Variants in ODF2 observed in about 807,000 individuals in gnomAD.
The protein encoded by ODF2 is outer dense fiber protein 2.
Under a neutral mutation model 110.2 loss-of-function variants are expected in ODF2, and 47 were observed. The observed-to-expected ratio is 0.43, with a 90% CI of 0.34 to 0.54. ODF2 has a LOEUF of 0.54. ODF2 is among the 20% of genes least tolerant of loss of function. The pLI, the probability that ODF2 is intolerant of heterozygous loss-of-function variation, is 0.03. For synonymous variants in ODF2, 352 were observed against 397.7 expected, an observed-to-expected ratio of 0.89 and a Z score of 1.37; for missense variants, 812 against 1,054.5, an observed-to-expected ratio of 0.77 and a Z score of 3.19.
intron 16 of ODF2, among the ~76,000 whole-genome samples, chr9:128,493,815 G>A (rs1012306533): frequency 6.6e-6 from 1 of 152,018 alleles, no homozygotes; most frequent in African/African-American, 2.4e-5. Context: ...TTTTTTTTGA[G>A]ACAGAGTCTT....
chr9:128,457,536 GT>G, intron 2 of ODF2: 2 of 1,427,162 alleles, frequency 1.4e-6, no homozygotes, highest in South Asian at 1.4e-5. Context: ...TCCTCATTGT[GT>G]TTGCTGAAAG....
intron 14 of ODF2, among the ~76,000 whole-genome samples, chr9:128,489,799 T>C (rs967921311): frequency 6.6e-6 from 1 of 152,230 alleles, no homozygotes; most frequent in Non-Finnish European, 1.5e-5. Context: ...TGTCACTGAA[T>C]AGTAAAGTGT....
At chr9:128,491,975 C>T (rs1217541521) in intron 14 of ODF2, among the ~76,000 whole-genome samples, 1 of 151,136 alleles carries the variant, frequency 6.6e-6, no homozygotes, top group Non-Finnish European at 1.5e-5. Flanking sequence ...ATGCCATCCT[C>T]CTGCCTCAGC....
intron 15 of ODF2, 54 bp downstream of exon 15, chr9:128,492,590 CA>C: frequency 1.3e-6 from 2 of 1,503,252 alleles, no homozygotes; most frequent in Non-Finnish European, 1.8e-6. Flanking sequence ...CTGCCCCCAT[CA>C]GACTGGGGGC....
chr9:128,485,966 G>C lies in ODF2; in HGVS notation c.1400+492G>C, dbSNP rs1843284027. Among the ~76,000 whole-genome samples the C allele has an allele frequency of 6.6e-6, 1 of 152,154 alleles. No homozygotes were observed. The highest frequency in any genetic ancestry group is 1.5e-5 in the Non-Finnish European group (1 of 68,030). ...GTGGCCTCAATTTGCAAGTGACTGA[G>C]CTGACACCTTTCTTGCCACTGGCGA... On this transcript the variant is annotated intron_variant, in intron 13 of 20. Coordinates refer to ENST00000604420, the Ensembl canonical transcript of ODF2. The surrounding 1 kb of genome is among the most constrained non-coding windows in gnomAD (Gnocchi z 5.0).
chr9:128,499,055 A>G, exon 20 of ODF2: 1 of 1,614,204 alleles, frequency 6.2e-7, no homozygotes, highest in Non-Finnish European at 8.5e-7. Flanking sequence ...CCAGAACAAA[A>G]TCCTGGACCT....
chr9:128,466,644 C>CATATATAT (rs10591401), intron 4 of ODF2, among the ~76,000 whole-genome samples: 12 of 142,726 alleles, frequency 8.4e-5, no homozygotes, highest in Admixed American at 3.6e-4. Context: ...CACACTTTCC[C>CATATATAT]ATATATATAT....
chr9:128,456,889 T>C, intron 1 of ODF2: 1 of 1,289,716 alleles, frequency 7.8e-7, no homozygotes, highest in African/African-American at 1.5e-5. Flanking sequence ...ACACTATTGG[T>C]CCTCTCGGGC....
At chr9:128,472,166 G>T (rs1380587753) in intron 6 of ODF2, among the ~76,000 whole-genome samples, 1 of 151,968 alleles carries the variant, frequency 6.6e-6, no homozygotes, top group Non-Finnish European at 1.5e-5. Flanking sequence ...TATAATCCTA[G>T]CTACTCTGGA....
At chr9:128,491,005 C>T (rs1235974910) in intron 14 of ODF2, among the ~76,000 whole-genome samples, 1 of 151,530 alleles carries the variant, frequency 6.6e-6, no homozygotes, top group Non-Finnish European at 1.5e-5. Flanking sequence ...AAGTTCACAA[C>T]ATAATTTTTT....
upstream of ODF2, among the ~76,000 whole-genome samples, chr9:128,455,611 A>G (rs912701851): frequency 6.7e-6 from 1 of 149,040 alleles, no homozygotes. Flanking sequence ...AAGGTAGTGA[A>G]CAGAACAGCA....
chr9:128,465,758 G>C (rs1837691718), intron 4 of ODF2, among the ~76,000 whole-genome samples: 1 of 150,004 alleles, frequency 6.7e-6, no homozygotes, highest in African/African-American at 2.5e-5. Context: ...AAAAAAAAGT[G>C]ATCTATTTTT....
chr9:128,482,030 T>C (rs964077649), intron 9 of ODF2, among the ~76,000 whole-genome samples: 3 of 152,226 alleles, frequency 2.0e-5, no homozygotes, highest in Non-Finnish European at 4.4e-5. Flanking sequence ...CAAAGCAGCA[T>C]GTTCCAAAGT....
exon 14 of ODF2, chr9:128,487,949 G>C (rs1453778232): frequency 6.2e-7 from 1 of 1,614,078 alleles, no homozygotes; most frequent in Admixed American, 1.7e-5. Context: ...CGGGAAGACC[G>C]GGATAGCCTG....
upstream of ODF2, among the ~76,000 whole-genome samples, chr9:128,455,847 G>T (rs546506987): frequency 8.5e-5 from 13 of 152,302 alleles, no homozygotes; most frequent in African/African-American, 2.2e-4. Flanking sequence ...GGAACCGTAC[G>T]CTCCTTTGAG....
chr9:128,461,070 A>T lies in ODF2; in HGVS notation c.249+3A>T, dbSNP rs1318298406. 6.2e-7 allele frequency: 1 copy of T among 1,613,742 alleles called. No individual in the cohort carries two copies. The highest frequency in any genetic ancestry group is 8.5e-7 in the Non-Finnish European group (1 of 1,179,922). ...GGCCTGTGGGATGCAAGTGGGAGGT[A>T]GGCTCACCCTTGCCCAGGCTTTTCT... On this transcript the variant is annotated splice_donor_region_variant and intron_variant, in intron 4 of 20. Coordinates refer to ENST00000604420, the Ensembl canonical transcript of ODF2.
intron 8 of ODF2, among the ~76,000 whole-genome samples, chr9:128,478,630 A>G (rs1841824682): frequency 6.6e-6 from 1 of 150,690 alleles, no homozygotes; most frequent in East Asian, 1.9e-4. Flanking sequence ...CTCTTGCTCT[A>G]GCCAGTTTTC....
At chr9:128,467,017 AT>A in intron 4 of ODF2, among the ~76,000 whole-genome samples, 1 of 17,812 alleles carries the variant, frequency 5.6e-5, no homozygotes, top group African/African-American at 2.9e-4. Flanking sequence ...AAAAAAAAAT[AT>A]ATATATATAT....
At chr9:128,483,815 G>A (rs1338246070) in intron 10 of ODF2, 123 bp from the exon 11 acceptor site, 2 of 737,692 alleles carry the variant, frequency 2.7e-6, no homozygotes, top group Middle Eastern at 2.3e-4. Flanking sequence ...GAGCCCAAGA[G>A]GTGGAGGTTG....
Sources: allele counts gnomAD v4.1 joint callset (sites outside exome capture counted in the v4.1 genomes callset), GRCh38; gene constraint gnomAD v4.1.1; non-coding constraint Gnocchi (gnomAD v3.1); transcripts MANE v1.5; gene names NCBI Gene and HGNC (gene_info 2026-07-23, HGNC 2026-07-21).